Variants in IRGM observed in about 807,000 individuals in gnomAD.
IRGM encodes the protein immunity related GTPase M.
For missense variants in IRGM, 288 were observed against 219.9 expected, an observed-to-expected ratio of 1.31 and a Z score of -1.96; for synonymous variants, 98 against 80.6, an observed-to-expected ratio of 1.22 and a Z score of -1.16.
chr5:150,898,318 T>C, intron 3 of IRGM: 1 of 1,597,142 alleles, frequency 6.3e-7, no homozygotes. Flanking sequence ...TGCAAAGGTA[T>C]GAAGGTCATA....
At chr5:150,864,774 T>C (rs1160946795) in intron 1 of IRGM, among the ~76,000 whole-genome samples, 2 of 152,376 alleles carry the variant, frequency 1.3e-5, no homozygotes, top group South Asian at 4.1e-4. Flanking sequence ...TGTAAGCCAC[T>C]ATTGTAAATG....
chr5:150,896,205 C>G, intron 3 of IRGM: 1 of 1,613,620 alleles, frequency 6.2e-7, no homozygotes, highest in Non-Finnish European at 8.5e-7. Context: ...AGTGTGAACT[C>G]TCTGATGTAT....
intron 3 of IRGM, chr5:150,896,651 T>A (rs763622160): frequency 1.9e-6 from 3 of 1,613,546 alleles, no homozygotes; most frequent in Non-Finnish European, 2.5e-6. Flanking sequence ...GGTCAATATT[T>A]GGTTTTAAGT....
At chr5:150,898,017 C>T (rs1445190289) in intron 3 of IRGM, 2 of 1,588,408 alleles carry the variant, frequency 1.3e-6, no homozygotes, top group Non-Finnish European at 8.6e-7. Flanking sequence ...ACATAAACCT[C>T]AGGCACCAAT....
rs1753895133 is a variant in IRGM, at chr5:150,847,807, G to GCTTTT, written c.-317_-316insCTTTT. ...TCTTTTTGCCACACCATAAGCATTG[G>GCTTTT]GTTTTGTTTGTTTTGAGATGGAGTC... On this transcript the variant is annotated 5_prime_UTR_variant, in exon 2 of 2. An upstream open reading frame in the 5' UTR gains an earlier in-frame stop. Coordinates refer to ENST00000522154, the MANE Select transcript of IRGM (RefSeq NM_001145805.2). 1 of 231,298 alleles carries GCTTTT rather than the reference G, an allele frequency of 4.3e-6. No homozygotes were observed. The highest frequency in any genetic ancestry group is 7.4e-6 in the Non-Finnish European group (1 of 135,350). 14.3% of individuals were successfully genotyped at this position (231,298 alleles called of 1,614,324 possible).
In IRGM at chr5:150,896,042, G is replaced by A. The variant is rs145326125; in HGVS notation, c.*141-4547G>A. On this transcript the variant is annotated intron_variant and NMD_transcript_variant, in intron 3 of 3. Coordinates refer to the IRGM transcript ENST00000520549. ...GCTTCTCTCCAGTATGAGCTCTGTG[G>A]TGTATAATCAGCTGTGACTTCTGGG... 149 of 1,613,140 alleles carry A rather than the reference G, an allele frequency of 9.2e-5. No homozygotes were observed. The African/African-American group carries it at 1.4e-3, about 15-fold the overall frequency.
chr5:150,893,815 T>C (rs745453570), intron 3 of IRGM, among the ~76,000 whole-genome samples: 6 of 152,248 alleles, frequency 3.9e-5, no homozygotes, highest in Non-Finnish European at 7.4e-5. Flanking sequence ...CTACATAGTA[T>C]TTTTATTTCT....
At position 150,896,605 on chromosome 5, in the gene IRGM, G is replaced by T. The variant is rs1365871903; in HGVS notation, c.*141-3984G>T. ...TTTCCACCTCCAAAACTCTGATCAG[G>T]TTTTTTTCTTGAATTGCTCTTATAA... On this transcript the variant is annotated intron_variant and NMD_transcript_variant, in intron 3 of 3. Transcript: ENST00000520549. The T allele has an allele frequency of 2.5e-6, 4 of 1,613,464 alleles. No individual in the cohort carries two copies. In the East Asian group the frequency reaches 8.9e-5, roughly 36 times the overall value.
chr5:150,877,931 G>A (rs184727513), intron 1 of IRGM: 30 of 440,108 alleles, frequency 6.8e-5, no homozygotes, highest in African/African-American at 5.5e-4. Flanking sequence ...TTGTTTGCAT[G>A]TTTAAATCAA....
chr5:150,879,491 T>A (rs1179981963), intron 2 of IRGM: 1 of 152,216 alleles, frequency 6.6e-6, no homozygotes, highest in Non-Finnish European at 1.5e-5. Context: ...AAAGTAATGC[T>A]TGCCAAGTAC....
At chr5:150,852,987 A>C (rs938246895), downstream of IRGM, among the ~76,000 whole-genome samples, 3 of 152,212 alleles carry the variant, frequency 2.0e-5, no homozygotes, top group South Asian at 2.1e-4. Context: ...TTTTTCTGCT[A>C]TCTTTGGGTT....
At chr5:150,893,871 G>T (rs1020597615) in intron 3 of IRGM, among the ~76,000 whole-genome samples, 1 of 152,106 alleles carries the variant, frequency 6.6e-6, no homozygotes, top group African/African-American at 2.4e-5. Flanking sequence ...GAATGGGTTT[G>T]CTCTTTTGGA....
chr5:150,873,673 G>A (rs1043549679), intron 1 of IRGM, among the ~76,000 whole-genome samples: 6 of 152,144 alleles, frequency 3.9e-5, no homozygotes, highest in African/African-American at 1.4e-4. Context: ...GACTCATCCT[G>A]TGGTCATTTC....
intron 1 of IRGM, among the ~76,000 whole-genome samples, chr5:150,856,498 G>A (rs2113257509): frequency 6.6e-6 from 1 of 152,012 alleles, no homozygotes; most frequent in East Asian, 1.9e-4. Context: ...TCTCTCTAAG[G>A]GTGATTTTTA....
Position 150,861,451 on chromosome 5 carries a change from C to T in IRGM, c.158+12797C>T, listed in dbSNP as rs1310802193. ...TTCTACATTCAAACAAGTCACAGGG[C>T]AGGGTCAGATTCAAGAGGAGGGGAC... On this transcript the variant is annotated intron_variant and NMD_transcript_variant, in intron 1 of 3. Coordinates refer to the IRGM transcript ENST00000520549. Among the ~76,000 whole-genome samples the T allele has an allele frequency of 3.3e-5, 5 of 152,172 alleles. No individual in the cohort carries two copies. The East Asian group carries it at 9.6e-4, about 29-fold the overall frequency.
intron 1 of IRGM, among the ~76,000 whole-genome samples, chr5:150,856,928 TTTA>T (rs202074150): frequency 1.3e-4 from 19 of 148,394 alleles, no homozygotes; most frequent in African/African-American, 4.2e-4. Context: ...TTATTTATTA[TTTA>T]TTATTTTATT....
At chr5:150,901,483 T>G (rs151242368), downstream of IRGM, among the ~76,000 whole-genome samples, 1 of 152,042 alleles carries the variant, frequency 6.6e-6, no homozygotes, top group Non-Finnish European at 1.5e-5. Context: ...GGCTACTATA[T>G]TAGACAGCAC....
chr5:150,859,472 C>G (rs1754105122), intron 1 of IRGM, among the ~76,000 whole-genome samples: 1 of 152,102 alleles, frequency 6.6e-6, no homozygotes, highest in Non-Finnish European at 1.5e-5. Context: ...CCCTCTTTTT[C>G]TATTGGTTGG....
intron 1 of IRGM, among the ~76,000 whole-genome samples, chr5:150,875,519 G>A (rs536422548): frequency 2.0e-5 from 3 of 152,200 alleles, no homozygotes; most frequent in Non-Finnish European, 4.4e-5. Flanking sequence ...TGTGACATTT[G>A]TATCCCATGT....
Sources: gnomAD v4.1 joint callset for allele counts (sites outside exome capture counted in the v4.1 genomes callset) on GRCh38, gnomAD v4.1.1 for gene constraint, MANE v1.5 for transcripts, NCBI Gene and HGNC (gene_info 2026-07-23, HGNC 2026-07-21) for gene names.